LUZP4: variants seen among roughly 807,000 people sequenced by gnomAD.
LUZP4 encodes HOM-TES-85 tumor antigen.
In LUZP4, 11 loss-of-function variants were observed where a neutral mutation model predicts 8.5. The ratio of observed to expected loss-of-function variants is 1.30; its 90% CI spans 0.82 to 2.14. The LOEUF (loss-of-function observed/expected upper bound fraction) is 2.14, where lower values mean the gene tolerates loss of function less well. LUZP4 is among the 30% of genes most tolerant of loss of function. The pLI is 0.00. For synonymous variants in LUZP4, 104 were observed against 79.4 expected, an observed-to-expected ratio of 1.31 and a Z score of -1.65; for missense variants, 276 against 229.7, an observed-to-expected ratio of 1.20 and a Z score of -1.30.
Position 115,307,003 on chromosome X carries a change from T to TA in LUZP4, c.*201dup, listed in dbSNP as rs1244186590. 8 of 442,193 alleles carry TA rather than the reference T, an allele frequency of 1.8e-5. No individual in the cohort carries two copies. The highest frequency in any genetic ancestry group is 2.7e-5 in the Non-Finnish European group (7 of 261,235). The allele number at this position is 442,193 out of a possible 1,213,427, so 36.4% of individuals were successfully genotyped here. On this transcript the variant is annotated 3_prime_UTR_variant, in exon 4 of 4. Coordinates refer to ENST00000371920, the MANE Select transcript of LUZP4 (RefSeq NM_016383.5). The stretch of plus-strand genomic sequence containing the variant: ...CATCCAGTTACCCAGGATGTCCCAT[T>TA]AAGTTGTTCCCGGTAGGTCTGCTTT...
intron 1 of LUZP4, among the ~76,000 whole-genome samples, chrX:115,292,438 T>C (rs782084027): frequency 8.9e-6 from 1 of 111,755 alleles, no homozygotes; most frequent in East Asian, 2.8e-4. Context: ...TCATTGCTGG[T>C]ATATGTACAT....
chrX:115,292,217 C>T (rs2073351927), intron 1 of LUZP4, among the ~76,000 whole-genome samples: 1 of 112,126 alleles, frequency 8.9e-6, no homozygotes, highest in African/African-American at 3.2e-5. Flanking sequence ...ACCCTTGTTT[C>T]CTTCTGAGAG....
chrX:115,300,676 C>G (rs2073392849), intron 1 of LUZP4, among the ~76,000 whole-genome samples: 1 of 111,231 alleles, frequency 9.0e-6, no homozygotes, highest in Admixed American at 9.6e-5. Context: ...GAGTTTGGTC[C>G]ACTTTTCCTT....
intron 1 of LUZP4, among the ~76,000 whole-genome samples, chrX:115,290,488 A>G (rs1454009462): frequency 9.0e-6 from 1 of 111,352 alleles, no homozygotes; most frequent in Admixed American, 9.6e-5. Flanking sequence ...AGACCTCTAC[A>G]CGGAGAGTGG....
intron 1 of LUZP4, among the ~76,000 whole-genome samples, chrX:115,294,652 T>C (rs1260237349): frequency 9.0e-6 from 1 of 111,648 alleles, no homozygotes; most frequent in Non-Finnish European, 1.9e-5. Context: ...ACAGCTCACG[T>C]CAGTCTCTGG....
At position 115,289,800 on chromosome X, in the gene LUZP4, C is replaced by A; in HGVS notation, c.41C>A (p.Pro14Gln). ...AAGCTAACGCTTTCTGAAAAAGTGC[C>A]GCCAAATCATCCCAGTCGGAAAAAG... Reference protein sequence around the residue: ...FRKLTLSEKVPPNHPSRKKVN... With the variant: ...FRKLTLSEKVQPNHPSRKKVN... The change falls in exon 1 of 4, where the codon CCG becomes CAG. Residue 14 changes from proline (P) to glutamine (Q), a missense_variant. Pro to Gln is a moderately conservative substitution (Grantham distance 76). Transcript: ENST00000371920. 1 of 1,209,577 alleles carries A rather than the reference C, an allele frequency of 8.3e-7. No homozygotes were observed. Among genetic ancestry groups the A allele is most frequent in the Non-Finnish European group, 1.1e-6 (1 of 893,976 alleles).
intron 2 of LUZP4, among the ~76,000 whole-genome samples, chrX:115,302,748 C>T (rs2073403271): frequency 8.9e-6 from 1 of 112,562 alleles, no homozygotes; most frequent in Non-Finnish European, 1.9e-5. Flanking sequence ...TTGTGTGAAT[C>T]TTCAGTGGCT....
chrX:115,297,088 T>G (rs1348127514), intron 1 of LUZP4, among the ~76,000 whole-genome samples: 1 of 112,043 alleles, frequency 8.9e-6, no homozygotes, highest in Non-Finnish European at 1.9e-5. Context: ...ATTCATCCTC[T>G]GAGTTACAGA....
chrX:115,296,624 G>T (rs1556599059), intron 1 of LUZP4, among the ~76,000 whole-genome samples: 2 of 111,464 alleles, frequency 1.8e-5, no homozygotes. Context: ...ATAGGCATTT[G>T]CTTTCTCTTC....
At position 115,289,718 on chromosome X, in the gene LUZP4, C is replaced by T; in HGVS notation, c.-42C>T. ...TCCTGCGCGGTGAGGGGGTGGTACA[C>T]GCGCCCTACCTCGGAGTGTGTGGCG... On this transcript the variant is annotated 5_prime_UTR_variant, in exon 1 of 4. In the 5' UTR this introduces an upstream ATG that the reference lacks. Transcript: ENST00000371920. The T allele has an allele frequency of 2.0e-6, 2 of 1,011,317 alleles. No individual in the cohort carries two copies. The highest frequency in any genetic ancestry group is 2.8e-6 in the Non-Finnish European group (2 of 715,573). The allele number at this position is 1,011,317 out of a possible 1,213,427, so 83.3% of individuals were successfully genotyped here. A position where few individuals can be genotyped will look rare whatever the true frequency, so the allele number is the denominator to read the frequency against.
intron 1 of LUZP4, among the ~76,000 whole-genome samples, chrX:115,293,469 G>C (rs2073357099): frequency 9.1e-6 from 1 of 109,627 alleles, no homozygotes; most frequent in African/African-American, 3.3e-5. Context: ...TGTAGAGACG[G>C]GTTCTCACTA....
In LUZP4 at chrX:115,289,964, G is replaced by A. The variant is rs1457504193; in HGVS notation, c.91+114G>A. The A allele has an allele frequency of 6.0e-6, 3 of 497,117 alleles. No homozygotes were observed. The East Asian group carries it at 1.3e-4, about 21-fold the overall frequency. The allele number at this position is 497,117 out of a possible 1,213,427, so 41.0% of individuals were successfully genotyped here. A position where few individuals can be genotyped will look rare whatever the true frequency, so the allele number is the denominator to read the frequency against. On this transcript the variant is annotated intron_variant, in intron 1 of 3. Coordinates refer to ENST00000371920, the MANE Select transcript of LUZP4 (RefSeq NM_016383.5). ...GTCGGGAGGAACACACCAGTTCGAG[G>A]AGAGGCTTCCCCTTCAGGGCATCTC...
chrX:115,306,174 A>G, intron 3 of LUZP4, 31 bp from the exon 4 acceptor site: 3 of 1,179,539 alleles, frequency 2.5e-6, no homozygotes, highest in Non-Finnish European at 3.4e-6. Flanking sequence ...TATATGTTTC[A>G]TTTGTTTTGA....
rs1266596947 is a variant in LUZP4, at chrX:115,306,194, A to G, written c.343-11A>G. On this transcript the variant is annotated splice_polypyrimidine_tract_variant and intron_variant, in intron 3 of 3. Transcript: ENST00000371920. ...GTTTCATTTGTTTTGAATAATTGGGATCCTTTTCAGGAGAAGTGCAGTGAC... is the reference window on the plus strand; with the variant it reads ...GTTTCATTTGTTTTGAATAATTGGGGTCCTTTTCAGGAGAAGTGCAGTGAC... The G allele has an allele frequency of 2.5e-6, 3 of 1,195,993 alleles. No homozygotes were observed. The highest frequency in any genetic ancestry group is 3.4e-6 in the Non-Finnish European group (3 of 888,366).
Position 115,306,847 on chromosome X carries a change from T to G in LUZP4, c.*43T>G. 9.1e-7 allele frequency: 1 copy of G among 1,097,500 alleles called. No individual in the cohort carries two copies. The highest frequency in any genetic ancestry group is 1.2e-6 in the Non-Finnish European group (1 of 800,118). The allele number at this position is 1,097,500 out of a possible 1,213,427, so 90.4% of individuals were successfully genotyped here. ...TGAATTCTGTGGAAATAGAAAAGCA[T>G]ATATCTATATTCTAATGGCTAAATA... On this transcript the variant is annotated 3_prime_UTR_variant, in exon 4 of 4. Transcript: ENST00000371920.
chrX:115,304,616 A>G (rs1556602981), intron 3 of LUZP4, among the ~76,000 whole-genome samples: 2 of 109,893 alleles, frequency 1.8e-5, no homozygotes, highest in South Asian at 3.9e-4. Context: ...GGCTCAAGCA[A>G]TCCTCCCACT....
intron 1 of LUZP4, among the ~76,000 whole-genome samples, chrX:115,299,965 G>A (rs933244722): frequency 1.8e-5 from 2 of 111,943 alleles, no homozygotes; most frequent in East Asian, 2.8e-4. Flanking sequence ...TCTGGCCTAC[G>A]GTGTGTCTAG....
At chrX:115,301,215 G>A (rs1256531378) in intron 1 of LUZP4, among the ~76,000 whole-genome samples, 3 of 110,785 alleles carry the variant, frequency 2.7e-5, no homozygotes, top group Non-Finnish European at 3.8e-5. Flanking sequence ...CAGAAGGTGT[G>A]GGGGGCTTTT....
intron 1 of LUZP4, among the ~76,000 whole-genome samples, chrX:115,291,371 T>C (rs1462959725): frequency 6.3e-5 from 7 of 111,316 alleles, no homozygotes; most frequent in Non-Finnish European, 1.1e-4. Context: ...AATGATGGGA[T>C]TGTGGGCCTG....
Sources: gnomAD v4.1 joint callset for allele counts (sites outside exome capture counted in the v4.1 genomes callset) on GRCh38, gnomAD v4.1.1 for gene constraint, MANE v1.5 for transcripts, NCBI Gene and HGNC (gene_info 2026-07-23, HGNC 2026-07-21) for gene names.